The following RAI2 variants were observed in gnomAD, a reference collection of about 807,000 sequenced individuals.
The protein encoded by RAI2 is retinoic acid induced 2, also known as retinoic acid-induced protein 2.
Under a neutral mutation model 15.3 loss-of-function variants are expected in RAI2, and 5 were observed. The observed-to-expected ratio is 0.33, with a 90% confidence interval of 0.17 to 0.69. RAI2 has a LOEUF of 0.69. RAI2 is among the 30% of genes least tolerant of loss of function. RAI2 has a pLI of 0.69. For synonymous variants in RAI2, 191 were observed against 184.0 expected (o/e 1.04, Z -0.31); for missense variants, 424 against 424.7 (o/e 1.00, Z 0.01).
chrX:17,816,560 C>T (rs745336009), intron 1 of RAI2, among the ~76,000 whole-genome samples: 18 of 112,411 alleles, frequency 1.6e-4, no homozygotes, highest in Non-Finnish European at 3.4e-4. Flanking sequence ...TGGCCCAGCC[C>T]TGCTTGGACT....
chrX:17,852,970 G>A (rs2067554346), intron 1 of RAI2, among the ~76,000 whole-genome samples: 1 of 108,885 alleles, frequency 9.2e-6, no homozygotes, highest in African/African-American at 3.4e-5. Context: ...AATATTACGA[G>A]CAGAGCTCTC....
intron 1 of RAI2, among the ~76,000 whole-genome samples, chrX:17,823,637 C>T (rs1468441591): frequency 8.9e-6 from 1 of 111,995 alleles, no homozygotes; most frequent in African/African-American, 3.2e-5. Context: ...ACAATCAACT[C>T]TAGCTGCACA....
intron 1 of RAI2, among the ~76,000 whole-genome samples, chrX:17,859,327 G>A (rs989127591): frequency 4.5e-5 from 5 of 111,769 alleles, no homozygotes; most frequent in Non-Finnish European, 7.5e-5. Flanking sequence ...AAAACGGTGG[G>A]AAAGATTCCC....
rs1332551757 is a variant in RAI2 at position 17,801,693 on chromosome X, C to T, written c.318G>A (p.Pro106=). 20 of 1,211,789 alleles carry T rather than the reference C, an allele frequency of 1.7e-5. No individual in the cohort carries two copies. The highest frequency in any genetic ancestry group is 3.5e-5 in the South Asian group (2 of 56,990). The change falls in exon 2 of 2, where the codon CCG becomes CCA. Residue 106 remains proline (P), a synonymous_variant. Coordinates refer to ENST00000451717, the MANE Select transcript of RAI2 (RefSeq NM_021785.6). ...TCATGACGTAGGTGGCATTGCCATT[C>T]GGATTGAGCTCTGGTGCGGAGCTTC... ...VEGSSAPELN[P]NGNATYVMTT...
chrX:17,815,081 G>A (rs1164006781), intron 1 of RAI2, among the ~76,000 whole-genome samples: 2 of 110,626 alleles, frequency 1.8e-5, no homozygotes, highest in East Asian at 5.7e-4. Context: ...AACATCCTCC[G>A]CAGAATCTTA....
chrX:17,802,096 G>C, intron 1 of RAI2, 62 bp from the exon 2 acceptor site: 1 of 1,120,507 alleles, frequency 8.9e-7, no homozygotes, highest in Non-Finnish European at 1.2e-6. Context: ...TGCCTTAAGA[G>C]CTCTCTCACA....
intron 1 of RAI2, among the ~76,000 whole-genome samples, chrX:17,841,994 GA>G: frequency 8.9e-6 from 1 of 112,220 alleles, no homozygotes; most frequent in African/African-American, 3.2e-5. Context: ...TCATTAGAAA[GA>G]AAGTGGGCAA....
Position 17,801,955 on chromosome X carries a change from G to T in RAI2, c.56C>A (p.Ala19Asp). ...ATTCTCCAGTCTGTTATTAGCCAAG[G>T]CAGGAGGGGAGTCAGTCATGTCCAT... is the stretch of plus-strand genomic sequence containing the variant. ...LSMDMTDSPP[A>D]LANNRLENGM... The change falls in exon 2 of 2, where the codon GCC becomes GAC. Residue 19 changes from alanine (A) to aspartate (D), a missense_variant. By Grantham distance (126) the Ala-to-Asp change is moderately radical. Coordinates refer to ENST00000451717, the MANE Select transcript of RAI2 (RefSeq NM_021785.6). 8.3e-7 allele frequency: 1 copy of T among 1,211,184 alleles called. No homozygotes were observed. The highest frequency in any genetic ancestry group is 1.1e-6 in the Non-Finnish European group (1 of 895,079).
At chrX:17,842,844 A>G (rs2067415220) in intron 1 of RAI2, among the ~76,000 whole-genome samples, 1 of 111,939 alleles carries the variant, frequency 8.9e-6, no homozygotes, top group Non-Finnish European at 1.9e-5. Flanking sequence ...GGTAAAGAAA[A>G]TAAAACTCCA....
chrX:17,800,841 C>T lies in RAI2; in HGVS notation c.1170G>A (p.Thr390=), dbSNP rs149778741. ...CCATCATGGCTGGGGCCTCATGGGA[C>T]GTGGCAGGGGCAAAAGAAATTTCCA... ...SGMEISFAPA[T]SHEAPAMMDS... Residue 390 remains threonine (T), a synonymous_variant, in exon 2 of 2, where the codon ACG becomes ACA. Coordinates refer to ENST00000451717, the MANE Select transcript of RAI2 (RefSeq NM_021785.6). 7.5e-4 allele frequency: 913 copies of T among 1,209,583 alleles called. 3 individuals are homozygous for T. The African/African-American group carries it at 0.011, about 15-fold the overall frequency.
intron 1 of RAI2, among the ~76,000 whole-genome samples, chrX:17,855,293 G>A (rs182037475): frequency 8.9e-5 from 10 of 111,757 alleles, no homozygotes; most frequent in Admixed American, 1.9e-4. Flanking sequence ...GTCTACTGGC[G>A]ACATTACTCT....
At chrX:17,831,110 C>G (rs374756497) in intron 1 of RAI2, among the ~76,000 whole-genome samples, 1 of 111,504 alleles carries the variant, frequency 9.0e-6, no homozygotes, top group East Asian at 2.8e-4. Flanking sequence ...CTCTAAAATT[C>G]GAGACACATC....
At chrX:17,848,767 G>C (rs1343214828) in intron 1 of RAI2, among the ~76,000 whole-genome samples, 1 of 112,116 alleles carries the variant, frequency 8.9e-6, no homozygotes, top group Admixed American at 9.4e-5. Context: ...CTCTTTCCTA[G>C]TCAACTTTTC....
intron 1 of RAI2, among the ~76,000 whole-genome samples, chrX:17,850,268 A>G (rs2067513238): frequency 8.9e-6 from 1 of 112,253 alleles, no homozygotes; most frequent in Admixed American, 9.4e-5. Flanking sequence ...CTGGGGGAGC[A>G]ATGCAACAAA....
chrX:17,830,029 G>A (rs954422304), intron 1 of RAI2, among the ~76,000 whole-genome samples: 2 of 112,375 alleles, frequency 1.8e-5, no homozygotes, highest in Non-Finnish European at 3.8e-5. Flanking sequence ...CACTGCCCTT[G>A]CCCAACTCTA....
intron 1 of RAI2, among the ~76,000 whole-genome samples, chrX:17,841,826 A>G (rs2067401188): frequency 8.9e-6 from 1 of 112,248 alleles, no homozygotes. Context: ...CAGATTATTA[A>G]AAAGGCCACT....
intron 1 of RAI2, among the ~76,000 whole-genome samples, chrX:17,815,535 T>A (rs753382020): frequency 3.6e-5 from 4 of 111,115 alleles, no homozygotes; most frequent in Non-Finnish European, 5.7e-5. Context: ...CCTTGCCACA[T>A]GAGTAGGATT....
intron 1 of RAI2, among the ~76,000 whole-genome samples, chrX:17,822,828 A>G (rs2067182427): frequency 8.9e-6 from 1 of 112,137 alleles, no homozygotes; most frequent in East Asian, 2.8e-4. Flanking sequence ...TCTCCACAAG[A>G]TCAAGACAAC....
At chrX:17,857,771 C>T in intron 1 of RAI2, among the ~76,000 whole-genome samples, 1 of 111,898 alleles carries the variant, frequency 8.9e-6, no homozygotes, top group Middle Eastern at 4.6e-3. Context: ...TTTAGTCACT[C>T]AACTCTCATT....
Sources: gnomAD v4.1 joint callset for allele counts (sites outside exome capture counted in the v4.1 genomes callset) on GRCh38, gnomAD v4.1.1 for gene constraint, MANE v1.5 for transcripts, NCBI Gene and HGNC (gene_info 2026-07-23, HGNC 2026-07-21) for gene names.